The following SORCS3 variants were observed in gnomAD, a reference collection of about 807,000 sequenced individuals.
The protein encoded by SORCS3 is VPS10 domain-containing receptor SorCS3.
A neutral mutation model predicts 146.3 loss-of-function variants in SORCS3; 57 were observed. The ratio of observed to expected loss-of-function variants is 0.39; its 90% CI spans 0.31 to 0.49. SORCS3 has a LOEUF of 0.49. SORCS3 is among the 20% of genes least tolerant of loss of function. The pLI is 0.92. For synonymous variants in SORCS3, 653 were observed against 618.5 expected (o/e 1.06, Z -0.83); for missense variants, 1,341 against 1,575.5 (o/e 0.85, Z 2.52).
chr10:105,179,897 CTT>C (rs2056432550), intron 14 of SORCS3, among the ~76,000 whole-genome samples: 2 of 152,176 alleles, frequency 1.3e-5, no homozygotes, highest in Admixed American at 1.3e-4. Flanking sequence ...GAATTGAAAA[CTT>C]ATTAATAAAG....
At chr10:104,842,694 T>C (rs1184548836) in intron 1 of SORCS3, 98 bp from the exon 2 acceptor site, 2 of 881,636 alleles carry the variant, frequency 2.3e-6, no homozygotes, top group African/African-American at 1.6e-5. Context: ...CTCTGGGTGA[T>C]AGGAGATGCA....
chr10:105,146,119 A>G (rs2056129439), intron 8 of SORCS3, among the ~76,000 whole-genome samples: 2 of 152,066 alleles, frequency 1.3e-5, no homozygotes, highest in Non-Finnish European at 1.5e-5. Context: ...TCCTTCTGCT[A>G]TCTATTACTC....
intron 1 of SORCS3, among the ~76,000 whole-genome samples, chr10:104,653,682 A>G (rs575096824): frequency 8.5e-5 from 13 of 152,318 alleles, no homozygotes; most frequent in South Asian, 2.1e-4. Context: ...TTGTGGGTAC[A>G]TAGTAGGCGT....
intron 1 of SORCS3, among the ~76,000 whole-genome samples, chr10:104,719,273 C>T (rs1322554777): frequency 1.3e-5 from 2 of 152,106 alleles, no homozygotes; most frequent in Non-Finnish European, 2.9e-5. Context: ...TATTTTATTC[C>T]TTCCTCATTA....
At chr10:105,045,527 A>T (rs372204233) in intron 5 of SORCS3, among the ~76,000 whole-genome samples, 45 of 151,346 alleles carry the variant, frequency 3.0e-4, no homozygotes, top group Admixed American at 6.6e-4. Context: ...TTACATAGAC[A>T]TTTTTTTTTA....
At chr10:104,935,884 G>T (rs1416436827) in intron 3 of SORCS3, among the ~76,000 whole-genome samples, 1 of 152,170 alleles carries the variant, frequency 6.6e-6, no homozygotes, top group Non-Finnish European at 1.5e-5. Context: ...GGTGGCAGAG[G>T]AGGAGGGAAA....
intron 1 of SORCS3, among the ~76,000 whole-genome samples, chr10:104,687,758 G>A (rs1335898063): frequency 6.6e-6 from 1 of 152,134 alleles, no homozygotes; most frequent in Non-Finnish European, 1.5e-5. Flanking sequence ...ACAGGCTCTG[G>A]AGTCTGACTC....
chr10:105,247,282 C>T lies in SORCS3; in HGVS notation c.3056C>T (p.Pro1019Leu). ...PNLDYHNPDIPEWRKDIGNVI... is the reference protein window; with the variant it reads ...PNLDYHNPDILEWRKDIGNVI... ...CTGGATTACCACAATCCTGACATTC[C>T]TGAGTGGAGAAAAGATATTGGCAAT... Residue 1019 changes from proline (P) to leucine (L), a missense_variant, in exon 22 of 27, where the codon CCT (proline) becomes CTT (leucine). By Grantham distance (98) the Pro-to-Leu change is moderately conservative (BLOSUM62 -3). Coordinates refer to ENST00000369701, the MANE Select transcript of SORCS3 (RefSeq NM_014978.3). The T allele has an allele frequency of 2.5e-6, 4 of 1,613,204 alleles. No individual in the cohort carries two copies. Among genetic ancestry groups the T allele is most frequent in the Non-Finnish European group, 3.4e-6 (4 of 1,179,338 alleles).
intron 19 of SORCS3, among the ~76,000 whole-genome samples, 161 bp from the exon 20 acceptor site, chr10:105,222,955 C>T (rs2056712610): frequency 6.6e-6 from 1 of 152,210 alleles, no homozygotes; most frequent in Admixed American, 6.5e-5. Flanking sequence ...TTCAGTACTT[C>T]ATTTCAAGCG....
chr10:104,829,069 C>T (rs1485370713), intron 1 of SORCS3, among the ~76,000 whole-genome samples: 1 of 152,226 alleles, frequency 6.6e-6, no homozygotes, highest in Non-Finnish European at 1.5e-5. Context: ...GATTCATCGT[C>T]TCCTCCTTTG....
intron 1 of SORCS3, among the ~76,000 whole-genome samples, chr10:104,752,615 T>C (rs959904466): frequency 1.3e-5 from 2 of 152,220 alleles, no homozygotes; most frequent in Non-Finnish European, 2.9e-5. Flanking sequence ...ATCTTAGGGA[T>C]GTTAGGCGTG....
intron 4 of SORCS3, among the ~76,000 whole-genome samples, chr10:104,984,037 G>A (rs1020682465): frequency 2.6e-5 from 4 of 152,078 alleles, no homozygotes; most frequent in African/African-American, 7.2e-5. Context: ...AATTACTTGC[G>A]TGCTTTTTCA....
chr10:105,094,629 A>G (rs1478504588), intron 6 of SORCS3, among the ~76,000 whole-genome samples: 2 of 152,266 alleles, frequency 1.3e-5, no homozygotes, highest in Admixed American at 1.3e-4. Context: ...ATGGACAAGT[A>G]TTAGAATGTT....
chr10:105,057,173 A>G (rs2055451101), intron 5 of SORCS3, among the ~76,000 whole-genome samples: 1 of 152,178 alleles, frequency 6.6e-6, no homozygotes, highest in Non-Finnish European at 1.5e-5. Context: ...GGACTACATT[A>G]GGTATAGAGA....
intron 5 of SORCS3, among the ~76,000 whole-genome samples, chr10:105,080,766 C>G (rs2055619143): frequency 6.6e-6 from 1 of 151,970 alleles, no homozygotes; most frequent in Admixed American, 6.6e-5. Flanking sequence ...ATTTGGCTAG[C>G]CAGTTATCCC....
chr10:104,825,121 C>T (rs1362875231), intron 1 of SORCS3, among the ~76,000 whole-genome samples: 1 of 152,154 alleles, frequency 6.6e-6, no homozygotes, highest in Non-Finnish European at 1.5e-5. Flanking sequence ...AAGTTGTCAC[C>T]ACTAAAGTGA....
At chr10:104,674,431 C>G (rs946294398) in intron 1 of SORCS3, among the ~76,000 whole-genome samples, 31 of 152,222 alleles carry the variant, frequency 2.0e-4, no homozygotes, top group Non-Finnish European at 3.7e-4. Flanking sequence ...GTCTCTGGCT[C>G]TCCTCATTTG....
chr10:104,990,726 G>C (rs2054988825), intron 4 of SORCS3, among the ~76,000 whole-genome samples: 1 of 152,166 alleles, frequency 6.6e-6, no homozygotes. Flanking sequence ...AGGGAGGCAG[G>C]AGAATTAGAG....
rs187897242 is a variant in SORCS3, at chr10:105,045,159, G to A, written c.1028+2031G>A. Among the ~76,000 whole-genome samples, 461 of 152,218 alleles carry A rather than the reference G, an allele frequency of 3.0e-3. 3 individuals carry two copies. Among genetic ancestry groups the A allele is most frequent in the African/African-American group, 0.011 (447 of 41,528 alleles). On this transcript the variant is annotated intron_variant, in intron 5 of 26. Coordinates refer to ENST00000369701, the MANE Select transcript of SORCS3 (RefSeq NM_014978.3). Reference sequence around the variant, plus strand: ...GTTAGTAGAGGAGGAAAGCACACTGGGCTAGATGAACCATGCCACTGTGTC... The same window carrying A: ...GTTAGTAGAGGAGGAAAGCACACTGAGCTAGATGAACCATGCCACTGTGTC...
Sources: allele counts gnomAD v4.1 joint callset (sites outside exome capture counted in the v4.1 genomes callset), GRCh38; gene constraint gnomAD v4.1.1; transcripts MANE v1.5; gene names NCBI Gene and HGNC (gene_info 2026-07-23, HGNC 2026-07-21).